Variants in TMEM108 observed in about 807,000 individuals in gnomAD.
The protein encoded by TMEM108 is transmembrane protein 108.
In TMEM108, 12 loss-of-function variants were observed where a neutral mutation model predicts 35.1. That is an observed-to-expected ratio of 0.34 (90% CI 0.22 to 0.55). The LOEUF (loss-of-function observed/expected upper bound fraction) is 0.55, where lower values mean the gene tolerates loss of function less well. Among genes scored for constraint, TMEM108 ranks in the 20% least tolerant of loss-of-function variants. TMEM108 has a pLI of 0.89. For missense variants in TMEM108, 680 were observed against 753.3 expected, an observed-to-expected ratio of 0.90 and a Z score of 1.14; for synonymous variants, 287 against 308.6, an observed-to-expected ratio of 0.93 and a Z score of 0.73.
intron 2 of TMEM108, among the ~76,000 whole-genome samples, chr3:133,176,663 A>AAGCAGTGTGTAGAGGACATTCAG (rs1389940731): frequency 5.9e-5 from 9 of 152,190 alleles, no homozygotes; most frequent in Non-Finnish European, 1.2e-4. Flanking sequence ...GACACATTCA[A>AAGCAGTGTGTAGAGGACATTCAG]AGCAGTGTGT....
chr3:133,238,640 C>G (rs566119863), intron 3 of TMEM108, among the ~76,000 whole-genome samples: 19 of 152,236 alleles, frequency 1.2e-4, no homozygotes, highest in African/African-American at 4.6e-4. Context: ...AAGAATTTCC[C>G]TTCAGAAACT....
intron 4 of TMEM108, chr3:133,387,893 T>C: frequency 1.0e-6 from 1 of 985,458 alleles, no homozygotes; most frequent in Non-Finnish European, 1.2e-6. Flanking sequence ...TTGATTCTGT[T>C]TGCTTATAAC....
chr3:133,386,753 G>C, intron 4 of TMEM108: 3 of 1,226,718 alleles, frequency 2.4e-6, no homozygotes, highest in Non-Finnish European at 3.1e-6. Context: ...AAACGCTTCT[G>C]CATATGTCAT....
At chr3:133,189,868 A>G (rs569425408) in intron 2 of TMEM108, among the ~76,000 whole-genome samples, 3 of 152,334 alleles carry the variant, frequency 2.0e-5, no homozygotes, top group East Asian at 3.9e-4. Context: ...TGGCTTGTAT[A>G]TATAAATTTT....
chr3:133,069,084 G>A (rs137926507), intron 2 of TMEM108, among the ~76,000 whole-genome samples: 1 of 152,304 alleles, frequency 6.6e-6, no homozygotes, highest in Non-Finnish European at 1.5e-5. Context: ...GGTTGTGAGA[G>A]CCCTTGAATG....
intron 3 of TMEM108, among the ~76,000 whole-genome samples, chr3:133,357,472 C>T (rs945840126): frequency 5.3e-5 from 8 of 152,094 alleles, no homozygotes; most frequent in African/African-American, 1.9e-4. Flanking sequence ...AAGATACGAG[C>T]ACATGCATGT....
chr3:133,295,208 T>A (rs992192631), intron 3 of TMEM108, among the ~76,000 whole-genome samples: 1 of 152,240 alleles, frequency 6.6e-6, no homozygotes, highest in African/African-American at 2.4e-5. Flanking sequence ...CAAATTTTTT[T>A]ATGCAGAAAC....
intron 2 of TMEM108, among the ~76,000 whole-genome samples, chr3:133,081,853 A>T (rs1559826623): frequency 6.6e-6 from 1 of 152,252 alleles, no homozygotes; most frequent in Non-Finnish European, 1.5e-5. Context: ...TAGGAAGAGC[A>T]TTGTACTGCA....
chr3:133,113,596 T>A (rs562576084), intron 2 of TMEM108, among the ~76,000 whole-genome samples: 3 of 152,208 alleles, frequency 2.0e-5, no homozygotes, highest in African/African-American at 7.2e-5. Flanking sequence ...ACAAGACAAG[T>A]AATAATTTTA....
In TMEM108 at chr3:133,374,027, A is replaced by G. The variant is rs149398066; in HGVS notation, c.41-5725A>G. Among the ~76,000 whole-genome samples, 440 of 152,294 alleles carry G rather than the reference A, an allele frequency of 2.9e-3. 6 individuals carry two copies. The highest frequency in any genetic ancestry group is 9.9e-3 in the African/African-American group (412 of 41,560). On this transcript the variant is annotated intron_variant, in intron 3 of 5. Coordinates refer to ENST00000321871, the MANE Select transcript of TMEM108 (RefSeq NM_023943.4). Reference sequence around the variant, plus strand: ...TCAGGCGTTCCTGTTACTCTCTGCAAGGTCTCTTTATGTGGCCACCTTGAG... The same window carrying G: ...TCAGGCGTTCCTGTTACTCTCTGCAGGGTCTCTTTATGTGGCCACCTTGAG...
At chr3:133,366,945 G>T (rs1318658279) in intron 3 of TMEM108, among the ~76,000 whole-genome samples, 1 of 152,216 alleles carries the variant, frequency 6.6e-6, no homozygotes, top group African/African-American at 2.4e-5. Flanking sequence ...ATACAGAGGA[G>T]TCCAGTGGTG....
chr3:133,304,842 G>C (rs1027490681), intron 3 of TMEM108, among the ~76,000 whole-genome samples: 5 of 152,236 alleles, frequency 3.3e-5, no homozygotes, highest in African/African-American at 1.2e-4. Flanking sequence ...AGCACTTTGG[G>C]AGGCTGAGGC....
intron 2 of TMEM108, among the ~76,000 whole-genome samples, chr3:133,055,096 C>G (rs1395246348): frequency 6.6e-6 from 1 of 152,144 alleles, no homozygotes; most frequent in East Asian, 1.9e-4. Context: ...TCTCTTCAGA[C>G]TCTGTGAAGA....
intron 2 of TMEM108, among the ~76,000 whole-genome samples, chr3:133,096,461 G>A (rs1037530671): frequency 6.6e-6 from 1 of 152,184 alleles, no homozygotes; most frequent in Non-Finnish European, 1.5e-5. Flanking sequence ...CTCAGTAGTT[G>A]TGGTATTTTA....
At chr3:133,376,802 C>A (rs1307038448) in intron 3 of TMEM108, among the ~76,000 whole-genome samples, 1 of 152,228 alleles carries the variant, frequency 6.6e-6, no homozygotes, top group Non-Finnish European at 1.5e-5. Flanking sequence ...AAACTTCCTG[C>A]ACAAAAGCCC....
intron 3 of TMEM108, among the ~76,000 whole-genome samples, chr3:133,296,341 A>G (rs946119301): frequency 6.6e-6 from 1 of 152,208 alleles, no homozygotes; most frequent in Non-Finnish European, 1.5e-5. Context: ...TAAATGCAGA[A>G]TAACATTTGC....
At chr3:133,236,138 T>A (rs1323867182) in intron 3 of TMEM108, among the ~76,000 whole-genome samples, 1 of 152,184 alleles carries the variant, frequency 6.6e-6, no homozygotes, top group East Asian at 1.9e-4. Flanking sequence ...GATTATGTTT[T>A]GTAACTTCAG....
At chr3:133,325,771 G>A (rs1025817177) in intron 3 of TMEM108, among the ~76,000 whole-genome samples, 16 of 150,700 alleles carry the variant, frequency 1.1e-4, no homozygotes, top group African/African-American at 3.2e-4. Context: ...TTTTAAGTGT[G>A]TATATGTGTG....
chr3:133,300,373 G>T (rs1331550285), intron 3 of TMEM108, among the ~76,000 whole-genome samples: 3 of 152,244 alleles, frequency 2.0e-5, no homozygotes, highest in African/African-American at 4.8e-5. Flanking sequence ...GATGAATTAG[G>T]TTTATCACCC....
Sources: allele counts gnomAD v4.1 joint callset (sites outside exome capture counted in the v4.1 genomes callset), GRCh38; gene constraint gnomAD v4.1.1; transcripts MANE v1.5; gene names NCBI Gene and HGNC (gene_info 2026-07-23, HGNC 2026-07-21).